Variants in PEX14 observed in about 807,000 individuals in gnomAD.
PEX14 encodes the protein peroxisomal biogenesis factor 14.
A neutral mutation model predicts 49.5 loss-of-function variants in PEX14; 15 were observed. The observed-to-expected ratio is 0.30, with a 90% CI of 0.20 to 0.47. The LOEUF is 0.47. Among genes scored for constraint, PEX14 ranks in the 20% least tolerant of loss-of-function variants. The pLI, the probability that PEX14 is intolerant of heterozygous loss-of-function variation, is 1.00. For synonymous variants in PEX14, 210 were observed against 212.7 expected (o/e 0.99, Z 0.11); for missense variants, 398 against 494.8 (o/e 0.80, Z 1.86).
chr1:10,627,540 C>T (rs1641786354), intron 8 of PEX14, among the ~76,000 whole-genome samples, 177 bp downstream of exon 8: 1 of 152,116 alleles, frequency 6.6e-6, no homozygotes, highest in South Asian at 2.1e-4. Context: ...CCAGTTGACA[C>T]CCTCTCCACT....
chr1:10,524,525 C>T (rs1005289265), intron 2 of PEX14: 90 of 462,840 alleles, frequency 1.9e-4, no homozygotes, highest in African/African-American at 1.6e-3. Flanking sequence ...AAGTAAATTA[C>T]ATGCTCATCT....
intron 4 of PEX14, among the ~76,000 whole-genome samples, chr1:10,617,293 G>A (rs1461537824): frequency 1.3e-5 from 2 of 151,950 alleles, no homozygotes; most frequent in South Asian, 2.1e-4. Flanking sequence ...CAGCAGGCTC[G>A]CCCCAGCTCT....
intron 3 of PEX14, among the ~76,000 whole-genome samples, chr1:10,571,235 C>A (rs375021593): frequency 6.6e-6 from 1 of 151,864 alleles, no homozygotes; most frequent in Admixed American, 6.6e-5. Context: ...GATGTGATTC[C>A]ATTTTATGTT....
chr1:10,568,332 C>G (rs1225592289), intron 3 of PEX14, among the ~76,000 whole-genome samples: 3 of 141,460 alleles, frequency 2.1e-5, no homozygotes, highest in South Asian at 2.4e-4. Context: ...TTCCCCCCCC[C>G]CCCCCCACTC....
Position 10,569,610 on chromosome 1 carries a change from C to T in PEX14, c.170-29628C>T, listed in dbSNP as rs139905216. 3.2e-3 allele frequency among the ~76,000 whole-genome samples: 490 copies of T among 152,322 alleles called. 1 individual carries two copies. Among genetic ancestry groups the T allele is most frequent in the Middle Eastern group, 0.01 (3 of 294 alleles). On this transcript the variant is annotated intron_variant, in intron 3 of 8. Transcript: ENST00000356607. Reference sequence around the variant, plus strand: ...CTTCTTTGGGTTGGTAGAACAGATCCTCCAGTAGCTTCCTGAGAAGGTGTG... The same window carrying T: ...CTTCTTTGGGTTGGTAGAACAGATCTTCCAGTAGCTTCCTGAGAAGGTGTG...
rs1641547125 is a variant in PEX14, at chr1:10,495,654, T to C, written c.84+333T>C. Reference sequence around the variant, plus strand: ...GAGTGAGGTGGCTGGGCTTCTAGATTGTTTGAAGTAGCCGCCCTCTGCTCT... The same window carrying C: ...GAGTGAGGTGGCTGGGCTTCTAGATCGTTTGAAGTAGCCGCCCTCTGCTCT... On this transcript the variant is annotated intron_variant, in intron 2 of 8. Coordinates refer to ENST00000356607, the MANE Select transcript of PEX14 (RefSeq NM_004565.3). This position sits in a 1 kb window ranked among gnomAD's most constrained non-coding sequence, Gnocchi z 4.2. Among the ~76,000 whole-genome samples the C allele has an allele frequency of 6.6e-6, 1 of 152,104 alleles. No individual in the cohort carries two copies. Among genetic ancestry groups the C allele is most frequent in the Admixed American group, 6.5e-5 (1 of 15,272 alleles).
rs114953479 is a variant in PEX14, at chr1:10,613,689, C to T, written c.299-4643C>T. On this transcript the variant is annotated intron_variant, in intron 4 of 8. Transcript: ENST00000356607. This position sits in a 1 kb window ranked among gnomAD's most constrained non-coding sequence, Gnocchi z 5.0. The stretch of plus-strand genomic sequence containing the variant: ...AGTGAGAGTGAAGATATCGCCTGTT[C>T]TTGGATTCTTTGGGGCTCACAAAGC... Among the ~76,000 whole-genome samples the T allele has an allele frequency of 0.012, 1,811 of 152,256 alleles. 33 individuals carry two copies. Among genetic ancestry groups the T allele is most frequent in the African/African-American group, 0.041 (1,710 of 41,536 alleles).
At chr1:10,493,768 GA>G (rs1327386301) in intron 1 of PEX14, among the ~76,000 whole-genome samples, 1 of 152,180 alleles carries the variant, frequency 6.6e-6, no homozygotes, top group African/African-American at 2.4e-5. Flanking sequence ...TTAGCTCTGG[GA>G]GCGAGGGAGA....
At chr1:10,521,847 A>G (rs977465999) in intron 2 of PEX14, among the ~76,000 whole-genome samples, 1 of 152,192 alleles carries the variant, frequency 6.6e-6, no homozygotes, top group African/African-American at 2.4e-5. Context: ...ATTTCTAGGT[A>G]ATTCCTGGGA....
chr1:10,490,337 A>T (rs531883256), intron 1 of PEX14, among the ~76,000 whole-genome samples: 1 of 152,246 alleles, frequency 6.6e-6, no homozygotes, highest in South Asian at 2.1e-4. Context: ...AGTCGCAGTT[A>T]CTGGGCAGAT....
rs367837488 is a variant in PEX14, at chr1:10,611,588, G to A, written c.299-6744G>A. Among the ~76,000 whole-genome samples, 14 of 152,158 alleles carry A rather than the reference G, an allele frequency of 9.2e-5. No homozygotes were observed. In the East Asian group the frequency reaches 2.3e-3, roughly 25 times the overall value. ...AACTATTTCCCAAAATGGTTGTAGCGTTTGTGTTCCCATCAGCAATATGTA... is the reference window on the plus strand; with the variant it reads ...AACTATTTCCCAAAATGGTTGTAGCATTTGTGTTCCCATCAGCAATATGTA... On this transcript the variant is annotated intron_variant, in intron 4 of 8. Transcript: ENST00000356607.
rs1297920865 is a variant in PEX14 at position 10,514,053 on chromosome 1, G to C, written c.84+18732G>C. Among the ~76,000 whole-genome samples the C allele has an allele frequency of 6.6e-6, 1 of 151,788 alleles. No homozygotes were observed. Among genetic ancestry groups the C allele is most frequent in the Admixed American group, 6.6e-5 (1 of 15,226 alleles). On this transcript the variant is annotated intron_variant, in intron 2 of 8. Transcript: ENST00000356607. The surrounding 1 kb of genome is among the most constrained non-coding windows in gnomAD (Gnocchi z 4.4). ...TTAACATTATATGCTGATATAAATTGTAACAGTTAAAGAATGGTAATGAGT... is the reference window on the plus strand; with the variant it reads ...TTAACATTATATGCTGATATAAATTCTAACAGTTAAAGAATGGTAATGAGT...
chr1:10,561,931 A>AT (rs1639663323), intron 3 of PEX14, among the ~76,000 whole-genome samples: 1 of 151,184 alleles, frequency 6.6e-6, no homozygotes, highest in Admixed American at 6.6e-5. Flanking sequence ...TATTATTGTC[A>AT]TTTTTCTTCC....
At chr1:10,571,082 T>A (rs1274070883) in intron 3 of PEX14, among the ~76,000 whole-genome samples, 3 of 142,472 alleles carry the variant, frequency 2.1e-5, no homozygotes, top group Non-Finnish European at 1.5e-5. Flanking sequence ...GTCTCGAACA[T>A]CTGGGCTCAG....
intron 7 of PEX14, among the ~76,000 whole-genome samples, chr1:10,625,827 C>T (rs935750254): frequency 2.6e-5 from 4 of 152,348 alleles, no homozygotes; most frequent in South Asian, 4.1e-4. Context: ...AGTGGGGGCC[C>T]GGGATGTGCT....
rs1641495427 is a variant in PEX14, at chr1:10,618,453, CT to C, written c.384+37del. 3 of 1,498,840 alleles carry C rather than the reference CT, an allele frequency of 2.0e-6. No individual in the cohort carries two copies. In the African/African-American group the frequency reaches 4.1e-5, roughly 21 times the overall value. The allele number at this position is 1,498,840 out of a possible 1,614,324, so 92.8% of individuals were successfully genotyped here. A position where few individuals can be genotyped will look rare whatever the true frequency, so the allele number is the denominator to read the frequency against. On this transcript the variant is annotated intron_variant, in intron 5 of 8. Transcript: ENST00000356607. ...CCCAGCGGCTGCAGGTGCTGTGCCCCTGCCACCCTGTGGCATTCAGCACCCT... is the reference window on the plus strand; with the variant it reads ...CCCAGCGGCTGCAGGTGCTGTGCCCCGCCACCCTGTGGCATTCAGCACCCT...
chr1:10,562,779 G>A (rs940346649), intron 3 of PEX14, among the ~76,000 whole-genome samples: 1 of 152,126 alleles, frequency 6.6e-6, no homozygotes, highest in Non-Finnish European at 1.5e-5. Flanking sequence ...GACACTATAT[G>A]AGTAGCCTGT....
In PEX14 at chr1:10,621,398, G is replaced by A. The variant is rs557343577; in HGVS notation, c.385-1621G>A. On this transcript the variant is annotated intron_variant, in intron 5 of 8. Transcript: ENST00000356607. ...GTCTAACTCTGTTACCCGGGCTGGA[G>A]TGCAGTGGCATGATCTCTGCTCACT... Among the ~76,000 whole-genome samples, 7 of 147,552 alleles carry A rather than the reference G, an allele frequency of 4.7e-5. No individual in the cohort carries two copies. In the Admixed American group the frequency reaches 4.8e-4, roughly 10 times the overall value.
chr1:10,538,494 C>G (rs1364045486), intron 3 of PEX14, among the ~76,000 whole-genome samples: 1 of 152,250 alleles, frequency 6.6e-6, no homozygotes, highest in Non-Finnish European at 1.5e-5. Flanking sequence ...CTCTAAAATG[C>G]TGCTTCAGTC....
Sources: gnomAD v4.1 joint callset for allele counts (sites outside exome capture counted in the v4.1 genomes callset) on GRCh38, gnomAD v4.1.1 for gene constraint, Gnocchi (gnomAD v3.1) non-coding constraint, MANE v1.5 for transcripts, NCBI Gene and HGNC (gene_info 2026-07-23, HGNC 2026-07-21) for gene names.